CTSF: variants seen among roughly 807,000 people sequenced by gnomAD.
CTSF encodes the protein cathepsin F.
CTSF carries 65 observed loss-of-function variants against 63.5 expected under a neutral mutation model. That is an observed-to-expected ratio of 1.02 (90% CI 0.84 to 1.26). The LOEUF is 1.26. Among genes scored for constraint, CTSF ranks in the 50% most tolerant of loss-of-function variants. The probability of loss-of-function intolerance (pLI) is 0.00; values close to 1 mark genes in which losing one functional copy is unlikely to be tolerated. For missense variants in CTSF, 641 were observed against 631.0 expected (o/e 1.02, Z -0.17); for synonymous variants, 256 against 258.1 (o/e 0.99, Z 0.08).
chr11:66,564,444 G>T, intron 11 of CTSF, 114 bp downstream of exon 11: 3 of 1,010,916 alleles, frequency 3.0e-6, no homozygotes, highest in Non-Finnish European at 4.3e-6. Flanking sequence ...CAGGCAGTGG[G>T]TAAGGACAGG....
chr11:66,568,405 T>G lies in CTSF; in HGVS notation c.82A>C (p.Ser28Arg). 1 of 1,327,658 alleles carries G rather than the reference T, an allele frequency of 7.5e-7. No individual in the cohort carries two copies. Among genetic ancestry groups the G allele is most frequent in the Non-Finnish European group, 9.5e-7 (1 of 1,047,370 alleles). The allele number at this position is 1,327,658 out of a possible 1,614,324, so 82.2% of individuals were successfully genotyped here. Residue 28 changes from serine (S) to arginine (R), a missense_variant, in exon 1 of 13, where the codon AGC (serine) becomes CGC (arginine). Ser to Arg is a moderately radical substitution (Grantham distance 110). Coordinates refer to ENST00000310325, the MANE Select transcript of CTSF (RefSeq NM_003793.4). ...VAAPAQPRAA[S>R]FQAWGPPSPE... ...GACGGCGGCCCCCAGGCCTGAAAGC[T>G]GGCGGCTCGGGGCTGGGCGGGGGCG...
Position 66,565,601 on chromosome 11 carries a change from C to A in CTSF, c.1045+70G>T, listed in dbSNP as rs4630309. ...AACTCTCATGCTCATGTCTCCCCCC[C>A]ATTATGAAGTAACTTCTTGTACAGG... On this transcript the variant is annotated intron_variant, in intron 8 of 12. Transcript: ENST00000310325. 385,086 of 1,590,354 alleles carry A rather than the reference C, an allele frequency of 0.24. 48,317 individuals carry two copies. Among genetic ancestry groups the A allele is most frequent in the East Asian group, 0.27 (12,062 of 44,656 alleles).
At chr11:66,564,474 A>G in intron 11 of CTSF, 84 bp downstream of exon 11, 1 of 1,247,268 alleles carries the variant, frequency 8.0e-7, no homozygotes, top group Non-Finnish European at 1.1e-6. Flanking sequence ...CATTCCCCCT[A>G]TTTCCCCTCT....
chr11:66,566,049 C>T lies in CTSF; in HGVS notation c.840G>A (p.Lys280=). 6.2e-7 allele frequency: 1 copy of T among 1,614,190 alleles called. No homozygotes were observed. Among genetic ancestry groups the T allele is most frequent in the East Asian group, 2.2e-5 (1 of 44,880 alleles). The stretch of plus-strand genomic sequence containing the variant: ...GGTCTTTGACTTTTGTGACAGCCCC[C>T]TTACTCCTCCAGTCCCATTCAGGTG... ...LAPPEWDWRS[K]GAVTKVKDQG... is the part of the protein sequence containing the mutation. The change falls in exon 6 of 13, where the codon AAG becomes AAA. Residue 280 remains lysine (K), a synonymous_variant. Transcript: ENST00000310325.
rs1428639694 is a variant in CTSF, at chr11:66,565,649, T to C, written c.1045+22A>G. 3.1e-6 allele frequency: 5 copies of C among 1,612,656 alleles called. No homozygotes were observed. The East Asian group carries it at 1.1e-4, about 36-fold the overall frequency. ...AGGGAGAAGTGGCTCCGGTTGCCCC[T>C]CCTGACCCCATTAATGCATACCCAA... On this transcript the variant is annotated intron_variant, in intron 8 of 12. Coordinates refer to ENST00000310325, the MANE Select transcript of CTSF (RefSeq NM_003793.4).
Position 66,565,191 on chromosome 11 carries a change from G to A in CTSF, c.1046-185C>T, listed in dbSNP as rs572296134. Among the ~76,000 whole-genome samples, 18 of 152,312 alleles carry A rather than the reference G, an allele frequency of 1.2e-4. No individual in the cohort carries two copies. The East Asian group carries it at 3.3e-3, about 28-fold the overall frequency. ...CTGAGGCTGGGAGAGATGGGGAGGA[G>A]GGACCAGTAGCCAGCAAGAAAAGTG... On this transcript the variant is annotated intron_variant, in intron 8 of 12. Transcript: ENST00000310325.
rs35342226 is a variant in CTSF at position 66,568,287 on chromosome 11, C to A, written c.200G>T (p.Gly67Val). ...GCGCGTCCTCACCCGGCGGACGCGG[C>A]CGCGCACAAGGCCCAGCACGGCCCG... ...GTRAVLGLVR[G>V]RVRRAGQGSL... is the part of the protein sequence containing the mutation. Residue 67 changes from glycine to valine, a missense_variant, in exon 1 of 13, where the codon GGC becomes GTC. Coordinates refer to ENST00000310325, the MANE Select transcript of CTSF (RefSeq NM_003793.4). 4 of 1,491,388 alleles carry A rather than the reference C, an allele frequency of 2.7e-6. No homozygotes were observed. In the African/African-American group the frequency reaches 4.3e-5, roughly 16 times the overall value. The allele number at this position is 1,491,388 out of a possible 1,614,324, so 92.4% of individuals were successfully genotyped here.
At chr11:66,567,169 C>G in intron 4 of CTSF, 77 bp downstream of exon 4, 1 of 1,451,236 alleles carries the variant, frequency 6.9e-7, no homozygotes, top group East Asian at 2.3e-5. Flanking sequence ...TCTTTCTCCT[C>G]CCACACACCA....
chr11:66,565,102 C>T (rs756459504), intron 8 of CTSF, 96 bp from the exon 9 acceptor site: 13 of 1,494,002 alleles, frequency 8.7e-6, no homozygotes, highest in Non-Finnish European at 1.1e-5. Context: ...TTTCACATTC[C>T]TCGTCCACCC....
rs367704792 is a variant in CTSF at position 66,563,915 on chromosome 11, C to T, written c.*18G>A. The T allele has an allele frequency of 3.0e-5, 49 of 1,611,614 alleles. No homozygotes were observed. The highest frequency in any genetic ancestry group is 4.5e-5 in the East Asian group (2 of 44,858). ...AGCCACTCTGATCAGCACCAGGTCCCGAGCTGGGGGCCCCTCTTCAGTCCA... is the reference window on the plus strand; with the variant it reads ...AGCCACTCTGATCAGCACCAGGTCCTGAGCTGGGGGCCCCTCTTCAGTCCA... On this transcript the variant is annotated 3_prime_UTR_variant, in exon 13 of 13. Coordinates refer to ENST00000310325, the MANE Select transcript of CTSF (RefSeq NM_003793.4).
rs1210192124 is a variant in CTSF, at chr11:66,566,393, G to A, written c.619C>T (p.Arg207Cys). 15 of 1,613,886 alleles carry A rather than the reference G, an allele frequency of 9.3e-6. No homozygotes were observed. The highest frequency in any genetic ancestry group is 6.6e-5 in the South Asian group (6 of 91,066). Residue 207 changes from arginine (R) to cysteine (C), a missense_variant, in exon 5 of 13, where the codon CGC becomes TGC. By Grantham distance (180) the Arg-to-Cys change is radical. Transcript: ENST00000310325. ...ATGTTATTGACAAAGACGGACAGGC[G>A]CCACCGGGCTTCTGAGGACCAAGGA... is the stretch of plus-strand genomic sequence containing the variant. ...TYESKEEARW[R>C]LSVFVNNMVR...
At chr11:66,564,332 C>T (rs1857878054) in intron 11 of CTSF, 186 bp from the exon 12 acceptor site, 1 of 810,236 alleles carries the variant, frequency 1.2e-6, no homozygotes, top group Non-Finnish European at 1.9e-6. Context: ...GAAGCACGCA[C>T]CCACCCGCCT....
At chr11:66,566,224 C>T (rs1305735385) in intron 5 of CTSF, 57 bp from the exon 6 acceptor site, 2 of 1,613,756 alleles carry the variant, frequency 1.2e-6, no homozygotes, top group African/African-American at 2.7e-5. Context: ...CCAGACCTGA[C>T]CAGAGGCCTT....
chr11:66,564,324 AGCAC>A, intron 11 of CTSF, 178 bp from the exon 12 acceptor site: 1 of 843,998 alleles, frequency 1.2e-6, no homozygotes, highest in Non-Finnish European at 1.8e-6. Flanking sequence ...GCAGGGAGGA[AGCAC>A]GCACCCACCC....
At position 66,567,627 on chromosome 11, in the gene CTSF, T is replaced by A; in HGVS notation, c.348A>T (p.Arg116Ser). ...CACAGTCCTTCCGCAGCAGCACGTGTCTTCCGAGCTCATCCAGGACTTGGA... is the reference window on the plus strand; with the variant it reads ...CACAGTCCTTCCGCAGCAGCACGTGACTTCCGAGCTCATCCAGGACTTGGA... ...CSFQVLDELG[R>S]HVLLRKDCGP... Residue 116 changes from arginine to serine, a missense_variant, in exon 3 of 13, where the codon AGA becomes AGT. Physicochemically the swap from Arg to Ser is moderately radical, Grantham distance 110. Coordinates refer to ENST00000310325, the MANE Select transcript of CTSF (RefSeq NM_003793.4). 1 of 1,614,114 alleles carries A rather than the reference T, an allele frequency of 6.2e-7. No individual in the cohort carries two copies. Among genetic ancestry groups the A allele is most frequent in the Non-Finnish European group, 8.5e-7 (1 of 1,180,014 alleles).
Position 66,563,805 on chromosome 11 carries a change from G to T in CTSF, c.*128C>A. 1.7e-6 allele frequency: 2 copies of T among 1,181,376 alleles called. No homozygotes were observed. Among genetic ancestry groups the T allele is most frequent in the Non-Finnish European group, 2.4e-6 (2 of 834,056 alleles). 73.2% of individuals were successfully genotyped at this position (1,181,376 alleles called of 1,614,324 possible). On this transcript the variant is annotated 3_prime_UTR_variant, in exon 13 of 13. Transcript: ENST00000310325. ...GCTGTGCCCCAGCCCAGTGCCCTCTGCTCACCCTGAGGTACCCAGTGCCTT... is the reference window on the plus strand; with the variant it reads ...GCTGTGCCCCAGCCCAGTGCCCTCTTCTCACCCTGAGGTACCCAGTGCCTT...
chr11:66,567,222 G>A (rs577148955), intron 4 of CTSF, 24 bp downstream of exon 4: 2 of 1,613,250 alleles, frequency 1.2e-6, no homozygotes, highest in South Asian at 2.2e-5. Context: ...ATAGGAACAG[G>A]TACAGCCAAG....
chr11:66,566,728 T>C (rs1857940338), intron 4 of CTSF, among the ~76,000 whole-genome samples: 1 of 136,812 alleles, frequency 7.3e-6, no homozygotes. Flanking sequence ...GCAGAGCTTC[T>C]TTTTTTTTTT....
chr11:66,568,395 G>A lies in CTSF; in HGVS notation c.92C>T (p.Ala31Val). The A allele has an allele frequency of 7.5e-7, 1 of 1,325,276 alleles. No individual in the cohort carries two copies. Among genetic ancestry groups the A allele is most frequent in the Non-Finnish European group, 9.6e-7 (1 of 1,046,112 alleles). The allele number at this position is 1,325,276 out of a possible 1,614,324, so 82.1% of individuals were successfully genotyped here. ...CAGCTCCGGGGACGGCGGCCCCCAG[G>A]CCTGAAAGCTGGCGGCTCGGGGCTG... ...PAQPRAASFQ[A>V]WGPPSPELLA... The change falls in exon 1 of 13, where the codon GCC becomes GTC. Residue 31 changes from alanine to valine, a missense_variant. Physicochemically the swap from Ala to Val is moderately conservative, Grantham distance 64. Transcript: ENST00000310325.
Sources: gnomAD v4.1 joint callset for allele counts (sites outside exome capture counted in the v4.1 genomes callset) on GRCh38, gnomAD v4.1.1 for gene constraint, MANE v1.5 for transcripts, NCBI Gene and HGNC (gene_info 2026-07-23, HGNC 2026-07-21) for gene names.